Variants in CPNE4 observed in about 807,000 individuals in gnomAD.
CPNE4 encodes the protein copine-4.
Under a neutral mutation model 67.9 loss-of-function variants are expected in CPNE4, and 25 were observed. That is an observed-to-expected ratio of 0.37 (90% confidence interval 0.27 to 0.51). The LOEUF is 0.51. Among genes scored for constraint, CPNE4 ranks in the 20% least tolerant of loss-of-function variants. The probability of loss-of-function intolerance (pLI) is 0.93; values close to 1 mark genes in which losing one functional copy is unlikely to be tolerated. For synonymous variants in CPNE4, 242 were observed against 244.9 expected, an observed-to-expected ratio of 0.99 and a Z score of 0.11; for missense variants, 464 against 690.8, an observed-to-expected ratio of 0.67 and a Z score of 3.68.
intron 1 of CPNE4, among the ~76,000 whole-genome samples, chr3:131,995,720 G>C (rs1446512970): frequency 6.6e-6 from 1 of 152,124 alleles, no homozygotes; most frequent in East Asian, 1.9e-4. Flanking sequence ...CTATTCCTGA[G>C]AAATCATCTA....
chr3:131,681,135 G>A (rs1247565378), intron 6 of CPNE4, among the ~76,000 whole-genome samples: 1 of 152,160 alleles, frequency 6.6e-6, no homozygotes, highest in African/African-American at 2.4e-5. Context: ...CATGCGACCA[G>A]TTTATCTTTT....
intron 2 of CPNE4, among the ~76,000 whole-genome samples, chr3:131,760,425 G>T (rs927414782): frequency 2.6e-5 from 4 of 152,056 alleles, no homozygotes; most frequent in Non-Finnish European, 5.9e-5. Context: ...ATTTGAATCT[G>T]ACCTCTTCCT....
At chr3:132,013,915 A>G (rs574389805) in intron 1 of CPNE4, among the ~76,000 whole-genome samples, 39 of 152,322 alleles carry the variant, frequency 2.6e-4, no homozygotes, top group African/African-American at 8.7e-4. Flanking sequence ...CTTCTGTATA[A>G]TGCTGCTTAC....
intron 2 of CPNE4, among the ~76,000 whole-genome samples, chr3:131,884,712 C>G (rs971550069): frequency 6.6e-6 from 1 of 152,204 alleles, no homozygotes; most frequent in Non-Finnish European, 1.5e-5. Context: ...TTCCTCCATA[C>G]TGTTCTCACG....
At chr3:131,620,005 A>G (rs1348115707) in intron 7 of CPNE4, among the ~76,000 whole-genome samples, 2 of 152,178 alleles carry the variant, frequency 1.3e-5, no homozygotes, top group Non-Finnish European at 2.9e-5. Flanking sequence ...TTGTAAGCGT[A>G]AACCCCTGCC....
chr3:131,796,291 G>A (rs1432043102), intron 2 of CPNE4, among the ~76,000 whole-genome samples: 2 of 152,118 alleles, frequency 1.3e-5, no homozygotes, highest in South Asian at 2.1e-4. Context: ...CGTTAACGAC[G>A]TAGCAGGGTT....
rs996055966 is a variant in CPNE4, at chr3:131,772,037, T to G, written c.181-48412A>C. 3.3e-5 allele frequency among the ~76,000 whole-genome samples: 5 copies of G among 152,108 alleles called. 1 individual carries two copies. Among genetic ancestry groups the G allele is most frequent in the African/African-American group, 1.2e-4 (5 of 41,428 alleles). On this transcript the variant is annotated intron_variant, in intron 2 of 15. Transcript: ENST00000429747. ...ACAGCACTCAGTATCCATTCGCAAA[T>G]GAACAGGCAATGAACGGAGTGAGGC...
chr3:131,713,115 G>T (rs1406202094), intron 3 of CPNE4, among the ~76,000 whole-genome samples: 1 of 144,296 alleles, frequency 6.9e-6, no homozygotes, highest in African/African-American at 2.4e-5. Flanking sequence ...ATCAGGACAG[G>T]CTCCTGTAGC....
chr3:131,650,611 G>A (rs907407553), intron 7 of CPNE4, among the ~76,000 whole-genome samples: 20 of 149,992 alleles, frequency 1.3e-4, no homozygotes, highest in Non-Finnish European at 2.4e-4. Flanking sequence ...CGGGCGTGGT[G>A]GTGGGCGCCT....
At chr3:131,787,086 C>T (rs1205242269) in intron 2 of CPNE4, among the ~76,000 whole-genome samples, 1 of 152,054 alleles carries the variant, frequency 6.6e-6, no homozygotes, top group African/African-American at 2.4e-5. Flanking sequence ...ATTGATGCAC[C>T]CATCATGCTT....
intron 7 of CPNE4, among the ~76,000 whole-genome samples, chr3:131,589,454 T>A (rs1938397712): frequency 6.6e-6 from 1 of 152,220 alleles, no homozygotes; most frequent in Admixed American, 6.5e-5. Context: ...GTTCTAGCCG[T>A]GCTAGCAGCC....
chr3:131,807,979 T>C (rs1034938575), intron 2 of CPNE4, among the ~76,000 whole-genome samples: 2 of 152,176 alleles, frequency 1.3e-5, no homozygotes, highest in South Asian at 2.1e-4. Context: ...AAAAACTCTC[T>C]GGCATGAAGC....
At chr3:131,908,154 G>A (rs569471917) in intron 1 of CPNE4, among the ~76,000 whole-genome samples, 26 of 152,226 alleles carry the variant, frequency 1.7e-4, no homozygotes, top group African/African-American at 5.1e-4. Context: ...AAATATCCTT[G>A]ATTTATTTCA....
chr3:131,627,915 A>G (rs563740445), intron 7 of CPNE4, among the ~76,000 whole-genome samples: 1 of 152,334 alleles, frequency 6.6e-6, no homozygotes, highest in South Asian at 2.1e-4. Flanking sequence ...CTCCTAGTGA[A>G]GATTCCATAA....
chr3:131,677,923 T>G (rs1042503947), intron 6 of CPNE4, among the ~76,000 whole-genome samples: 1 of 152,192 alleles, frequency 6.6e-6, no homozygotes, highest in African/African-American at 2.4e-5. Context: ...GGGCTCTTTT[T>G]GGGTTTCATA....
Position 131,669,888 on chromosome 3 carries a change from T to C in CPNE4, c.592-124A>G, listed in dbSNP as rs572466065. On this transcript the variant is annotated intron_variant, in intron 6 of 15. Coordinates refer to ENST00000429747, the MANE Select transcript of CPNE4 (RefSeq NM_130808.3). Reference sequence around the variant, plus strand: ...GAAAAGAACAATAGCCTGGAAGAGGTGCCTTAATAAAAACTTGATGTAGTA... The same window carrying C: ...GAAAAGAACAATAGCCTGGAAGAGGCGCCTTAATAAAAACTTGATGTAGTA... The C allele has an allele frequency of 4.5e-5, 34 of 754,448 alleles. 1 individual carries two copies. The South Asian group carries it at 6.0e-4, about 13-fold the overall frequency. The allele number at this position is 754,448 out of a possible 1,614,324, so 46.7% of individuals were successfully genotyped here. A position where few individuals can be genotyped will look rare whatever the true frequency, so the allele number is the denominator to read the frequency against.
chr3:131,935,096 A>C (rs2071183531), intron 1 of CPNE4, among the ~76,000 whole-genome samples: 1 of 152,188 alleles, frequency 6.6e-6, no homozygotes, highest in African/African-American at 2.4e-5. Flanking sequence ...CTGAGGGCCC[A>C]GATGTTTGTT....
intron 2 of CPNE4, among the ~76,000 whole-genome samples, chr3:131,813,800 C>T (rs1033520013): frequency 6.6e-6 from 1 of 152,098 alleles, no homozygotes; most frequent in Admixed American, 6.5e-5. Context: ...CTTATTTATT[C>T]CTGCTGCTGT....
chr3:131,917,464 T>G (rs2070592348), intron 1 of CPNE4, among the ~76,000 whole-genome samples: 1 of 152,158 alleles, frequency 6.6e-6, no homozygotes, highest in Non-Finnish European at 1.5e-5. Flanking sequence ...ATTTGAGTGA[T>G]GCTTTGGGGA....
Sources: gnomAD v4.1 joint callset for allele counts (sites outside exome capture counted in the v4.1 genomes callset) on GRCh38, gnomAD v4.1.1 for gene constraint, MANE v1.5 for transcripts, NCBI Gene and HGNC (gene_info 2026-07-23, HGNC 2026-07-21) for gene names.